Variants in KRT79 observed in about 807,000 individuals in gnomAD.
KRT79 encodes keratin, type II cytoskeletal 79.
Under a neutral mutation model 49.0 loss-of-function variants are expected in KRT79, and 51 were observed. The ratio of observed to expected loss-of-function variants is 1.04; its 90% CI spans 0.83 to 1.31. The LOEUF (loss-of-function observed/expected upper bound fraction) is 1.31. Among genes scored for constraint, KRT79 ranks in the 40% most tolerant of loss-of-function variants. The probability of loss-of-function intolerance (pLI) is 0.00; values close to 1 mark genes in which losing one functional copy is unlikely to be tolerated. For missense variants in KRT79, 728 were observed against 688.0 expected, an observed-to-expected ratio of 1.06 and a Z score of -0.65; for synonymous variants, 312 against 286.6, an observed-to-expected ratio of 1.09 and a Z score of -0.90.
In KRT79 at chr12:52,831,518, C is replaced by T. The variant is rs1161770513; in HGVS notation, c.586G>A (p.Glu196Lys). The T allele has an allele frequency of 3.1e-6, 5 of 1,614,252 alleles. No homozygotes were observed. Among genetic ancestry groups the T allele is most frequent in the South Asian group, 1.1e-5 (1 of 91,090 alleles). The change falls in exon 2 of 9, where the codon GAG becomes AAG. Residue 196 changes from glutamate to lysine, a missense_variant. By Grantham distance (56) the Glu-to-Lys change is moderately conservative (BLOSUM62 1). Transcript: ENST00000330553. ...VTRNNLEPLF[E>K]AYLGSMRSTL... ...CTCCGCATGCTACCCAGGTAGGCCT[C>T]AAAGAGGGGCTCCAGGTTGTTCCTG...
At position 52,824,267 on chromosome 12, in the gene KRT79, C is replaced by T; in HGVS notation, c.951G>A (p.Glu317=). ...CAATCAGCTCATACTGGGCCTTGAC[C>T]TCGGCGATGATGCTGTCCAGGTCCA... The part of the protein sequence containing the change: ...RNLDLDSIIA[E]VKAQYELIAQ... Residue 317 remains glutamate (E), a synonymous_variant, in exon 5 of 9, where the codon GAG becomes GAA. Coordinates refer to ENST00000330553, the MANE Select transcript of KRT79 (RefSeq NM_175834.3). 6.2e-7 allele frequency: 1 copy of T among 1,614,236 alleles called. No homozygotes were observed. The highest frequency in any genetic ancestry group is 8.5e-7 in the Non-Finnish European group (1 of 1,180,042).
At chr12:52,822,895 T>G in intron 7 of KRT79, 121 bp downstream of exon 7, 20 of 932,174 alleles carry the variant, frequency 2.1e-5, no homozygotes, top group Non-Finnish European at 3.0e-5. Context: ...TCCCCCCGCG[T>G]GAGTCAGGAT....
At position 52,830,103 on chromosome 12, in the gene KRT79, A is replaced by G; in HGVS notation, c.775T>C (p.Tyr259His). 12 of 1,614,120 alleles carry G rather than the reference A, an allele frequency of 7.4e-6. No homozygotes were observed. Among genetic ancestry groups the G allele is most frequent in the Admixed American group, 1.7e-5 (1 of 60,022 alleles). ...VVLKKDVDAAYMGRMDLHGKV... is the reference protein window; with the variant it reads ...VVLKKDVDAAHMGRMDLHGKV... ...CCATGCAGATCCATCCGGCCCATGT[A>G]TGCTGCATCCACATCCTGGGGACGA... The change falls in exon 4 of 9, where the codon TAC becomes CAC. Residue 259 changes from tyrosine (Y) to histidine (H), a missense_variant. Coordinates refer to ENST00000330553, the MANE Select transcript of KRT79 (RefSeq NM_175834.3).
At chr12:52,832,856 A>AT (rs1161945923) in intron 1 of KRT79, among the ~76,000 whole-genome samples, 6 of 152,152 alleles carry the variant, frequency 3.9e-5, no homozygotes, top group Non-Finnish European at 8.8e-5. Flanking sequence ...CTAGACCTCA[A>AT]TTTTCTCATC....
intron 1 of KRT79, among the ~76,000 whole-genome samples, chr12:52,832,797 C>T (rs1378882290): frequency 1.3e-5 from 2 of 152,168 alleles, no homozygotes; most frequent in Non-Finnish European, 2.9e-5. Context: ...CCCAGTCCCG[C>T]CTCTGCCTCC....
chr12:52,831,597 C>T lies in KRT79; in HGVS notation c.507G>A (p.Val169=), dbSNP rs753618191. The T allele has an allele frequency of 1.2e-6, 2 of 1,614,230 alleles. No individual in the cohort carries two copies. The highest frequency in any genetic ancestry group is 2.2e-5 in the East Asian group (1 of 44,884). The part of the protein sequence containing the change: ...KVRFLEQQNK[V]LETKWALLQE... ...GCAGCAGTGCCCACTTGGTCTCCAG[C>T]ACCTTATTCTGTTGCTCCAGGAACC... Residue 169 remains valine, a synonymous_variant, in exon 2 of 9, where the codon GTG becomes GTA. Coordinates refer to ENST00000330553, the MANE Select transcript of KRT79 (RefSeq NM_175834.3).
At position 52,821,617 on chromosome 12, in the gene KRT79, AGGTC is replaced by A; in HGVS notation, c.*251_*254del. On this transcript the variant is annotated 3_prime_UTR_variant, in exon 9 of 9. Coordinates refer to ENST00000330553, the MANE Select transcript of KRT79 (RefSeq NM_175834.3). Reference sequence around the variant, plus strand: ...ATTCAGCCTCCTCTCGGTGGTCAAAAGGTCACCCCCAAGTCACCCAAGCACATCA... The same window carrying A: ...ATTCAGCCTCCTCTCGGTGGTCAAAAACCCCCAAGTCACCCAAGCACATCA... 2 of 351,602 alleles carry A rather than the reference AGGTC, an allele frequency of 5.7e-6. No individual in the cohort carries two copies. The highest frequency in any genetic ancestry group is 5.3e-5 in the Admixed American group (1 of 18,782). The allele number at this position is 351,602 out of a possible 1,614,324, so 21.8% of individuals were successfully genotyped here.
At chr12:52,825,950 A>G (rs939989810) in intron 4 of KRT79, among the ~76,000 whole-genome samples, 1 of 152,084 alleles carries the variant, frequency 6.6e-6, no homozygotes, top group Non-Finnish European at 1.5e-5. Flanking sequence ...AGTAAAGTGC[A>G]TTCTTACTTT....
chr12:52,824,338 C>G lies in KRT79; in HGVS notation c.880G>C (p.Val294Leu). ...EMELSQVQTH[V>L]SNTNVVLSMD... ...GACAGCACCACATTGGTGTTAGACA[C>G]GTGGGTCTGCACTTGGCTCAGCTCC... The change falls in exon 5 of 9, where the codon GTG becomes CTG. Residue 294 changes from valine to leucine, a missense_variant. Coordinates refer to ENST00000330553, the MANE Select transcript of KRT79 (RefSeq NM_175834.3). 2 of 1,614,142 alleles carry G rather than the reference C, an allele frequency of 1.2e-6. No individual in the cohort carries two copies. Among genetic ancestry groups the G allele is most frequent in the Non-Finnish European group, 1.7e-6 (2 of 1,179,990 alleles).
At chr12:52,826,720 G>A (rs1002873131) in intron 4 of KRT79, among the ~76,000 whole-genome samples, 12 of 151,996 alleles carry the variant, frequency 7.9e-5, no homozygotes, top group African/African-American at 2.9e-4. Flanking sequence ...TTCCACAGAT[G>A]CCCCAGGCCA....
intron 1 of KRT79, among the ~76,000 whole-genome samples, chr12:52,832,995 G>A (rs569686171): frequency 1.1e-4 from 17 of 152,298 alleles, no homozygotes; most frequent in South Asian, 2.1e-4. Flanking sequence ...TTGTCTGCCA[G>A]ACCTTCCCCA....
chr12:52,826,157 C>T (rs1276526748), intron 4 of KRT79, among the ~76,000 whole-genome samples: 2 of 151,876 alleles, frequency 1.3e-5, no homozygotes, highest in African/African-American at 2.4e-5. Flanking sequence ...AAAATCAACC[C>T]GAAACTTTTA....
Position 52,821,526 on chromosome 12 carries a change from G to C in KRT79, c.*346C>G. ...CAGGGAGAGGGTGGGTCTGGTGGGGGACTGGGGAGGTTGAAGGGTCTTTGG... is the reference window on the plus strand; with the variant it reads ...CAGGGAGAGGGTGGGTCTGGTGGGGCACTGGGGAGGTTGAAGGGTCTTTGG... On this transcript the variant is annotated 3_prime_UTR_variant, in exon 9 of 9. Transcript: ENST00000330553. 6.6e-6 allele frequency: 2 copies of C among 302,744 alleles called. No homozygotes were observed. The highest frequency in any genetic ancestry group is 8.1e-5 in the South Asian group (2 of 24,836). 18.8% of individuals were successfully genotyped at this position (302,744 alleles called of 1,614,324 possible).
intron 1 of KRT79, among the ~76,000 whole-genome samples, chr12:52,833,357 C>A (rs925238513): frequency 2.6e-5 from 4 of 152,200 alleles, no homozygotes; most frequent in Non-Finnish European, 5.9e-5. Context: ...ATGCTCTTAG[C>A]CTTGAACAAC....
rs755895985 is a variant in KRT79, at chr12:52,833,852, G to A, written c.409C>T (p.Arg137Ter). The change falls in exon 1 of 9, where the codon CGA (arginine) becomes TGA (stop). Residue 137 changes from arginine (R) to a stop codon, truncating the protein, a stop_gained. Coordinates refer to ENST00000330553, the MANE Select transcript of KRT79 (RefSeq NM_175834.3). LOFTEE classifies it high-confidence loss of function. ...TGCTCCCGCTCCTGAGTGCGCACTC[G>A]CTGGATCTCGGGGTCAATCTCCACA... The part of the protein sequence containing the change: ...LHVEIDPEIQ[R>*]VRTQEREQIK... The A allele has an allele frequency of 1.1e-5, 18 of 1,613,776 alleles. No individual in the cohort carries two copies. The highest frequency in any genetic ancestry group is 1.3e-5 in the African/African-American group (1 of 74,832).
intron 1 of KRT79, 54 bp from the exon 2 acceptor site, chr12:52,831,680 C>G (rs1466333747): frequency 6.8e-7 from 1 of 1,465,692 alleles, no homozygotes; most frequent in African/African-American, 1.4e-5. Context: ...ACCAGAGGAG[C>G]CAAGGATGGG....
intron 4 of KRT79, among the ~76,000 whole-genome samples, chr12:52,826,158 G>A (rs1055618318): frequency 2.6e-5 from 4 of 151,878 alleles, no homozygotes; most frequent in Admixed American, 6.6e-5. Flanking sequence ...AAATCAACCC[G>A]AAACTTTTAA....
chr12:52,822,143 A>G (rs1940100051), intron 8 of KRT79, 66 bp from the exon 9 acceptor site: 1 of 1,520,222 alleles, frequency 6.6e-7, no homozygotes, highest in Admixed American at 1.7e-5. Flanking sequence ...GAGACCCAGA[A>G]ATCAGTGGGG....
At chr12:52,830,339 T>G in intron 2 of KRT79, 47 bp from the exon 3 acceptor site, 1 of 1,568,060 alleles carries the variant, frequency 6.4e-7, no homozygotes, top group Non-Finnish European at 8.8e-7. Flanking sequence ...GGCTCTGCCT[T>G]TCAGGCATGG....
Sources: allele counts gnomAD v4.1 joint callset (sites outside exome capture counted in the v4.1 genomes callset), GRCh38; gene constraint gnomAD v4.1.1; transcripts MANE v1.5; gene names NCBI Gene and HGNC (gene_info 2026-07-23, HGNC 2026-07-21).